The following PRODH2 variants were observed in gnomAD, a reference collection of about 807,000 sequenced individuals.
PRODH2 encodes proline dehydrogenase 2.
In PRODH2, 49 loss-of-function variants were observed where a neutral mutation model predicts 51.9. The ratio of observed to expected loss-of-function variants is 0.94; its 90% confidence interval spans 0.75 to 1.20. PRODH2 has a LOEUF of 1.20. Among genes scored for constraint, PRODH2 ranks in the 50% most tolerant of loss-of-function variants. PRODH2 has a pLI of 0.00. For missense variants in PRODH2, 597 were observed against 610.9 expected (o/e 0.98, Z 0.24); for synonymous variants, 249 against 260.7 (o/e 0.96, Z 0.43).
chr19:35,809,390 TA>T (rs1345075904), intron 4 of PRODH2, among the ~76,000 whole-genome samples: 9 of 152,048 alleles, frequency 5.9e-5, no homozygotes, highest in Non-Finnish European at 2.9e-5. Flanking sequence ...GCTGATTTTT[TA>T]ATTTTTTTGT....
intron 7 of PRODH2, among the ~76,000 whole-genome samples, chr19:35,804,196 G>C (rs1972474677): frequency 6.6e-6 from 1 of 152,112 alleles, no homozygotes; most frequent in Non-Finnish European, 1.5e-5. Context: ...TTTTCGTTTT[G>C]TGTTTTTTAG....
At chr19:35,806,380 A>C in intron 7 of PRODH2, 50 bp downstream of exon 7, 1 of 1,607,350 alleles carries the variant, frequency 6.2e-7, no homozygotes, top group Non-Finnish European at 8.5e-7. Flanking sequence ...CACTGCACCC[A>C]ACCACTAGGT....
At chr19:35,811,312 G>C (rs901666209) in intron 4 of PRODH2, among the ~76,000 whole-genome samples, 1 of 151,602 alleles carries the variant, frequency 6.6e-6, no homozygotes, top group Admixed American at 6.6e-5. Flanking sequence ...CAGAACTTTG[G>C]GGGGCTGAGG....
intron 4 of PRODH2, among the ~76,000 whole-genome samples, chr19:35,810,306 C>T (rs1303417525): frequency 6.8e-6 from 1 of 146,388 alleles, no homozygotes; most frequent in South Asian, 2.1e-4. Flanking sequence ...AATAGATAAA[C>T]AAATAAAAAT....
chr19:35,806,899 A>T (rs1225570688), intron 5 of PRODH2, 69 bp from the exon 6 acceptor site: 6 of 1,550,888 alleles, frequency 3.9e-6, no homozygotes, highest in Non-Finnish European at 5.2e-6. Context: ...AGATCCCAGC[A>T]GGAGGGGTTA....
intron 4 of PRODH2, among the ~76,000 whole-genome samples, chr19:35,807,427 C>T (rs575955687): frequency 3.9e-5 from 6 of 152,094 alleles, no homozygotes; most frequent in Non-Finnish European, 8.8e-5. Context: ...TTCAGCCTCC[C>T]GAGTAGCTGG....
At chr19:35,807,168 A>C (rs1972527994) in intron 4 of PRODH2, 47 bp from the exon 5 acceptor site, 1 of 1,464,916 alleles carries the variant, frequency 6.8e-7, no homozygotes, top group Admixed American at 2.0e-5. Context: ...AGTTGCTAGA[A>C]ATCTAAAAAT....
chr19:35,811,850 TG>T, intron 4 of PRODH2, 111 bp downstream of exon 4: 1 of 1,036,618 alleles, frequency 9.6e-7, no homozygotes, highest in Non-Finnish European at 1.4e-6. Flanking sequence ...GCACTTCTGC[TG>T]GCTGTTCCAA....
At chr19:35,804,016 T>G (rs1297485329) in intron 7 of PRODH2, among the ~76,000 whole-genome samples, 8 of 152,146 alleles carry the variant, frequency 5.3e-5, no homozygotes, top group African/African-American at 1.7e-4. Flanking sequence ...ACATCCCCCA[T>G]GGAGTCATGT....
intron 4 of PRODH2, 148 bp from the exon 5 acceptor site, chr19:35,807,269 T>C: frequency 1.3e-6 from 1 of 745,084 alleles, no homozygotes; most frequent in Non-Finnish European, 2.2e-6. Context: ...TGTGTGACCT[T>C]GGGCAAGTTA....
intron 9 of PRODH2, among the ~76,000 whole-genome samples, chr19:35,800,974 C>G (rs769497738): frequency 1.1e-4 from 17 of 152,154 alleles, no homozygotes; most frequent in Non-Finnish European, 2.2e-4. Flanking sequence ...ACTGACCAAC[C>G]TGGCCAACAT....
chr19:35,802,300 G>A, intron 8 of PRODH2, 24 bp from the exon 9 acceptor site: 2 of 1,608,612 alleles, frequency 1.2e-6, no homozygotes, highest in Non-Finnish European at 8.5e-7. Flanking sequence ...CACATCATCA[G>A]TCCAGACTGT....
chr19:35,811,698 A>G (rs1399040960), intron 4 of PRODH2, among the ~76,000 whole-genome samples: 1 of 152,154 alleles, frequency 6.6e-6, no homozygotes, highest in Non-Finnish European at 1.5e-5. Flanking sequence ...TTGACTGAGA[A>G]CACACTGATG....
At position 35,812,808 on chromosome 19, in the gene PRODH2, T is replaced by C; in HGVS notation, c.-3A>G. 6.3e-7 allele frequency: 1 copy of C among 1,582,836 alleles called. No homozygotes were observed. The highest frequency in any genetic ancestry group is 8.6e-7 in the Non-Finnish European group (1 of 1,160,530). On this transcript the variant is annotated 5_prime_UTR_variant, in exon 1 of 10. Transcript: ENST00000653904. ...AGCACGTAACAGGTCCGGAGCATCCTGGGTCCCTGGCTGCCTCCACACCAG... is the reference window on the plus strand; with the variant it reads ...AGCACGTAACAGGTCCGGAGCATCCCGGGTCCCTGGCTGCCTCCACACCAG...
chr19:35,811,710 A>AC (rs1235194042), intron 4 of PRODH2, among the ~76,000 whole-genome samples: 1 of 151,956 alleles, frequency 6.6e-6, no homozygotes, highest in Non-Finnish European at 1.5e-5. Flanking sequence ...ACACTGATGT[A>AC]CCTCCTTCTA....
chr19:35,812,099 C>T (rs199616971), intron 3 of PRODH2, 35 bp downstream of exon 3: 67 of 1,613,422 alleles, frequency 4.2e-5, no homozygotes, highest in South Asian at 4.4e-5. Flanking sequence ...TGGGCAGCCG[C>T]GCCCTCCCCG....
chr19:35,807,720 T>C (rs1458598143), intron 4 of PRODH2, among the ~76,000 whole-genome samples: 1 of 152,164 alleles, frequency 6.6e-6, no homozygotes, highest in Non-Finnish European at 1.5e-5. Context: ...TTCCCACCTA[T>C]ACATTGGCAA....
chr19:35,809,973 A>AAAAAAAAAC (rs1972580304), intron 4 of PRODH2, among the ~76,000 whole-genome samples: 2 of 140,614 alleles, frequency 1.4e-5, no homozygotes, highest in Non-Finnish European at 3.1e-5. Context: ...AAAAAAAAAA[A>AAAAAAAAAC]AAAAAAAAAA....
Position 35,812,141 on chromosome 19 carries a change from C to G in PRODH2, c.503G>C (p.Arg168Pro), listed in dbSNP as rs780676051. Residue 168 changes from arginine to proline, a missense_variant, in exon 3 of 10, where the codon CGG becomes CCG. Transcript: ENST00000653904. ...CGTCTTTGCACTCCTTACACAGAGC[C>G]GAGTACTGGTCAGCGCCGTCACCTT... ...QLKVTALTST[R>P]LCKELASWVR... 1.6e-5 allele frequency: 26 copies of G among 1,613,970 alleles called. No homozygotes were observed. The highest frequency in any genetic ancestry group is 1.9e-5 in the Non-Finnish European group (22 of 1,180,000).
Sources: allele counts gnomAD v4.1 joint callset (sites outside exome capture counted in the v4.1 genomes callset), GRCh38; gene constraint gnomAD v4.1.1; transcripts MANE v1.5; gene names NCBI Gene and HGNC (gene_info 2026-07-23, HGNC 2026-07-21).